Variants in DRD3 observed in about 807,000 individuals in gnomAD.
DRD3 encodes the protein D(3) dopamine receptor.
DRD3 carries 19 observed loss-of-function variants against 36.3 expected under a neutral mutation model. The observed-to-expected ratio is 0.52, with a 90% CI of 0.36 to 0.77. DRD3 has a LOEUF of 0.77. Ranked by LOEUF, DRD3 falls within the 30% of genes least tolerant of loss-of-function variation. The pLI, the probability that DRD3 is intolerant of heterozygous loss-of-function variation, is 0.00. For missense variants in DRD3, 465 were observed against 505.3 expected, an observed-to-expected ratio of 0.92 and a Z score of 0.77; for synonymous variants, 195 against 203.7, an observed-to-expected ratio of 0.96 and a Z score of 0.36.
chr3:114,144,619 A>G (rs1175070223), intron 4 of DRD3, among the ~76,000 whole-genome samples: 1 of 152,210 alleles, frequency 6.6e-6, no homozygotes, highest in African/African-American at 2.4e-5. Context: ...TAAAACCATC[A>G]GCAGAACTCT....
intron 2 of DRD3, among the ~76,000 whole-genome samples, chr3:114,166,522 C>G (rs1343410101): frequency 6.6e-6 from 1 of 152,154 alleles, no homozygotes; most frequent in African/African-American, 2.4e-5. Context: ...TTCTGCCCTC[C>G]CACCTTCCAC....
At chr3:114,164,636 T>A (rs1475640894) in intron 2 of DRD3, among the ~76,000 whole-genome samples, 1 of 152,248 alleles carries the variant, frequency 6.6e-6, no homozygotes, top group Non-Finnish European at 1.5e-5. Flanking sequence ...AAGGGGAGCA[T>A]AAAATGATCC....
At position 114,127,613 on chromosome 3, in the gene DRD3, A is replaced by C. The variant is rs2077391870; in HGVS notation, c.*1103T>G. ...CCAGTAACATAGTCATTTATTATCA[A>C]TATTAAGTATTACGTACTGTACACA... On this transcript the variant is annotated 3_prime_UTR_variant, in exon 7 of 7. Coordinates refer to ENST00000383673, the MANE Select transcript of DRD3 (RefSeq NM_000796.6). 6.6e-6 allele frequency among the ~76,000 whole-genome samples: 1 copy of C among 152,260 alleles called. No homozygotes were observed.
Position 114,128,825 on chromosome 3 carries a change from T to G in DRD3, c.1094A>C (p.Tyr365Ser). ...GTAGCCCAGCCATGTCGTGGCACTG[T>G]AAAGCTCTGGGGACACGTGGCATGT... ...CQTCHVSPEL[Y>S]SATTWLGYVN... Residue 365 changes from tyrosine to serine, a missense_variant, in exon 7 of 7, where the codon TAC (tyrosine) becomes TCC (serine). Coordinates refer to ENST00000383673, the MANE Select transcript of DRD3 (RefSeq NM_000796.6). The G allele has an allele frequency of 6.2e-7, 1 of 1,614,016 alleles. No individual in the cohort carries two copies. Among genetic ancestry groups the G allele is most frequent in the African/African-American group, 1.3e-5 (1 of 74,998 alleles).
chr3:114,191,845 T>C (rs1274580403), intron 1 of DRD3, among the ~76,000 whole-genome samples: 1 of 152,212 alleles, frequency 6.6e-6, no homozygotes, highest in Admixed American at 6.5e-5. Context: ...TTCTCTGAAA[T>C]GCTTAAGGAA....
intron 1 of DRD3, among the ~76,000 whole-genome samples, chr3:114,193,060 A>T (rs940872400): frequency 6.6e-6 from 1 of 151,930 alleles, no homozygotes; most frequent in Non-Finnish European, 1.5e-5. Context: ...CGGGTAGATC[A>T]CGAGGTCAGG....
intron 1 of DRD3, among the ~76,000 whole-genome samples, chr3:114,187,466 T>C (rs1241482586): frequency 6.6e-6 from 1 of 152,244 alleles, no homozygotes; most frequent in Non-Finnish European, 1.5e-5. Flanking sequence ...TTGTAGGACT[T>C]TGTATGTTAA....
intron 3 of DRD3, among the ~76,000 whole-genome samples, chr3:114,152,450 T>C (rs1026115398): frequency 6.6e-6 from 1 of 152,254 alleles, no homozygotes; most frequent in African/African-American, 2.4e-5. Flanking sequence ...TTTTGTTCAC[T>C]TGGATAAGAA....
chr3:114,143,344 A>G (rs1250622430), intron 4 of DRD3, among the ~76,000 whole-genome samples: 1 of 152,232 alleles, frequency 6.6e-6, no homozygotes, highest in African/African-American at 2.4e-5. Context: ...TCAACATTTC[A>G]GGAAGAAAGG....
At position 114,171,839 on chromosome 3, in the gene DRD3, T is replaced by C; in HGVS notation, c.154A>G (p.Met52Val). The C allele has an allele frequency of 1.2e-6, 2 of 1,613,988 alleles. No individual in the cohort carries two copies. Among genetic ancestry groups the C allele is most frequent in the Non-Finnish European group, 1.7e-6 (2 of 1,179,940 alleles). The change falls in exon 2 of 7, where the codon ATG becomes GTG. Residue 52 changes from methionine to valine, a missense_variant. Met to Val is a conservative substitution (Grantham distance 21). Coordinates refer to ENST00000383673, the MANE Select transcript of DRD3 (RefSeq NM_000796.6). The part of the protein sequence containing the change: ...AIVFGNGLVC[M>V]AVLKERALQT... The stretch of plus-strand genomic sequence containing the variant: ...AGGGCCCGCTCCTTCAGCACAGCCA[T>C]GCACACCAGGCCATTGCCGAAGACG...
chr3:114,131,103 C>A lies in DRD3; in HGVS notation c.1006+15G>T. ...CTAACCCAACCCAACACAGCTCAAG[C>A]CAACCCAAACTTACCAAGCACAATG... On this transcript the variant is annotated intron_variant, in intron 6 of 6. Coordinates refer to ENST00000383673, the MANE Select transcript of DRD3 (RefSeq NM_000796.6). The A allele has an allele frequency of 6.2e-7, 1 of 1,609,838 alleles. No individual in the cohort carries two copies.
At chr3:114,148,853 C>T (rs1468100114) in intron 3 of DRD3, among the ~76,000 whole-genome samples, 3 of 152,126 alleles carry the variant, frequency 2.0e-5, no homozygotes, top group African/African-American at 7.2e-5. Context: ...GCTGGGACTA[C>T]AGGCGCCTGC....
At chr3:114,188,224 T>G (rs1355594035) in intron 1 of DRD3, among the ~76,000 whole-genome samples, 1 of 147,172 alleles carries the variant, frequency 6.8e-6, no homozygotes, top group Non-Finnish European at 1.5e-5. Context: ...TTTTTTTTTT[T>G]TTTTTTTGAG....
intron 1 of DRD3, among the ~76,000 whole-genome samples, chr3:114,198,544 G>A (rs2078048933): frequency 6.6e-6 from 1 of 151,992 alleles, no homozygotes; most frequent in Admixed American, 6.6e-5. Context: ...GTTCTAGTAG[G>A]ATTTTTTTTG....
chr3:114,185,964 C>T (rs905895571), intron 1 of DRD3, among the ~76,000 whole-genome samples: 1 of 152,160 alleles, frequency 6.6e-6, no homozygotes. Context: ...ATCAGATTCT[C>T]CCTCTTCTCC....
chr3:114,190,851 T>A (rs1284178333), intron 1 of DRD3, among the ~76,000 whole-genome samples: 1 of 151,964 alleles, frequency 6.6e-6, no homozygotes, highest in African/African-American at 2.4e-5. Flanking sequence ...CAAATCCAAA[T>A]GAATCTTTTG....
chr3:114,156,771 C>CTTTCTTTCTTTCTT (rs1559991070), intron 3 of DRD3, among the ~76,000 whole-genome samples: 2 of 102,412 alleles, frequency 2.0e-5, no homozygotes, highest in African/African-American at 7.1e-5. Context: ...TTCTTTCTTT[C>CTTTCTTTCTTTCTT]TTTCTTTCTT....
upstream of DRD3, among the ~76,000 whole-genome samples, chr3:114,179,985 A>T (rs1262614485): frequency 1.3e-5 from 2 of 152,110 alleles, no homozygotes; most frequent in East Asian, 3.8e-4. Flanking sequence ...TAATTTATGG[A>T]TAGGAAAATT....
At chr3:114,135,875 T>C (rs996595387) in intron 5 of DRD3, among the ~76,000 whole-genome samples, 9 of 152,104 alleles carry the variant, frequency 5.9e-5, no homozygotes, top group Admixed American at 3.3e-4. Flanking sequence ...TTTTTTTAAG[T>C]AGAGATGGGG....
Sources: allele counts gnomAD v4.1 joint callset (sites outside exome capture counted in the v4.1 genomes callset), GRCh38; gene constraint gnomAD v4.1.1; transcripts MANE v1.5; gene names NCBI Gene and HGNC (gene_info 2026-07-23, HGNC 2026-07-21).